NME9: variants seen among roughly 807,000 people sequenced by gnomAD.
NME9 encodes NME/NM23 family member 9.
In NME9, 48 loss-of-function variants were observed where a neutral mutation model predicts 44.4. The ratio of observed to expected loss-of-function variants is 1.08; its 90% confidence interval spans 0.86 to 1.37. The LOEUF (loss-of-function observed/expected upper bound fraction) is 1.37. NME9 is among the 40% of genes most tolerant of loss of function. NME9 has a pLI of 0.00. For synonymous variants in NME9, 139 were observed against 147.1 expected, an observed-to-expected ratio of 0.94 and a Z score of 0.40; for missense variants, 325 against 405.2, an observed-to-expected ratio of 0.80 and a Z score of 1.70.
intron 1 of NME9, 43 bp downstream of exon 1, chr3:138,329,260 G>C: frequency 6.6e-7 from 1 of 1,512,182 alleles, no homozygotes; most frequent in South Asian, 1.2e-5. Flanking sequence ...CCTCTTCCCC[G>C]AGCCCAACCC....
chr3:138,318,138 A>C lies in NME9; in HGVS notation c.267+10T>G. 1 of 1,546,026 alleles carries C rather than the reference A, an allele frequency of 6.5e-7. No individual in the cohort carries two copies. The highest frequency in any genetic ancestry group is 8.9e-7 in the Non-Finnish European group (1 of 1,117,778). On this transcript the variant is annotated intron_variant, in intron 4 of 10. Transcript: ENST00000333911. ...TCGTCAAATAGTTCTGATTCTGAAA[A>C]TGTACTTACTGCATAAAACAGAAAG...
chr3:138,290,342 A>G (rs3886726), intron 8 of NME9, among the ~76,000 whole-genome samples: 7,522 of 152,230 alleles, frequency 0.049, 615 homozygotes, highest in African/African-American at 0.17. Flanking sequence ...AGGCAGGATG[A>G]TCAGGAGGCA....
chr3:138,288,432 T>G (rs2050627133), intron 8 of NME9, among the ~76,000 whole-genome samples: 1 of 151,944 alleles, frequency 6.6e-6, no homozygotes. Flanking sequence ...AATTGCAAAC[T>G]GTACCCATAG....
At chr3:138,319,650 C>A in intron 2 of NME9, 69 bp from the exon 3 acceptor site, 2 of 790,914 alleles carry the variant, frequency 2.5e-6, no homozygotes, top group Non-Finnish European at 4.5e-6. Flanking sequence ...ATAATTTATA[C>A]CTGTACATTC....
At chr3:138,307,853 G>A (rs969606590) in intron 6 of NME9, among the ~76,000 whole-genome samples, 1 of 152,190 alleles carries the variant, frequency 6.6e-6, no homozygotes, top group African/African-American at 2.4e-5. Context: ...AAGACATTGT[G>A]AACATCATCC....
intron 8 of NME9, chr3:138,267,353 C>T (rs1030730663): frequency 5.0e-5 from 30 of 603,982 alleles, no homozygotes; most frequent in African/African-American, 1.5e-4. Flanking sequence ...AAAACTACTT[C>T]GGAATTGTTT....
intron 10 of NME9, 143 bp from the exon 11 acceptor site, chr3:138,301,847 C>A: frequency 1.6e-6 from 1 of 623,674 alleles, no homozygotes; most frequent in South Asian, 1.9e-5. Context: ...TGTTAGGGAC[C>A]AGGAATTAAA....
intron 8 of NME9, chr3:138,272,990 A>G (rs1306239155): frequency 1.9e-6 from 3 of 1,605,236 alleles, no homozygotes; most frequent in Non-Finnish European, 2.6e-6. Context: ...AGGCTGAACA[A>G]AAAATAAAAG....
At chr3:138,326,258 T>C (rs370746145) in intron 1 of NME9, among the ~76,000 whole-genome samples, 1 of 152,234 alleles carries the variant, frequency 6.6e-6, no homozygotes, top group Non-Finnish European at 1.5e-5. Flanking sequence ...CCCTAGCAGA[T>C]GAGACACAAT....
intron 2 of NME9, among the ~76,000 whole-genome samples, chr3:138,323,976 G>A (rs1214651147): frequency 6.6e-6 from 1 of 152,176 alleles, no homozygotes; most frequent in Non-Finnish European, 1.5e-5. Flanking sequence ...CTTCTGATGA[G>A]CAGAGTATGG....
intron 6 of NME9, among the ~76,000 whole-genome samples, chr3:138,312,631 A>C (rs1406760306): frequency 6.6e-6 from 1 of 152,244 alleles, no homozygotes; most frequent in Non-Finnish European, 1.5e-5. Context: ...CATAATTCTA[A>C]GACCTGATAC....
At chr3:138,267,250 T>C in intron 8 of NME9, 1 of 1,516,612 alleles carries the variant, frequency 6.6e-7, no homozygotes, top group Non-Finnish European at 9.0e-7. Context: ...AGGTTAGTAT[T>C]GATTTTCTTT....
At position 138,315,475 on chromosome 3, in the gene NME9, C is replaced by A. The variant is rs114513863; in HGVS notation, c.384+52G>T. The A allele has an allele frequency of 1.8e-3, 2,281 of 1,245,436 alleles. 24 individuals carry two copies. In the African/African-American group the frequency reaches 0.027, roughly 15 times the overall value. 77.1% of individuals were successfully genotyped at this position (1,245,436 alleles called of 1,614,324 possible). On this transcript the variant is annotated intron_variant, in intron 5 of 10. Transcript: ENST00000333911. ...AAGGAGATGGGGACTGCTGATCTCG[C>A]CCTACTAGCGCACTTGTGAGTTAGC... is the stretch of plus-strand genomic sequence containing the variant.
At chr3:138,321,388 C>G (rs1282596607) in intron 2 of NME9, among the ~76,000 whole-genome samples, 1 of 152,214 alleles carries the variant, frequency 6.6e-6, no homozygotes, top group Non-Finnish European at 1.5e-5. Context: ...AAGTCAAGGG[C>G]AAAAGGAATA....
intron 6 of NME9, among the ~76,000 whole-genome samples, chr3:138,312,946 G>A (rs2052800487): frequency 6.6e-6 from 1 of 152,182 alleles, no homozygotes; most frequent in Non-Finnish European, 1.5e-5. Flanking sequence ...ATGGGCAAAA[G>A]AGCTGAGTAG....
chr3:138,284,322 C>A, intron 8 of NME9: 1 of 755,480 alleles, frequency 1.3e-6, no homozygotes, highest in South Asian at 1.6e-5. Context: ...GAGAGTGGAA[C>A]CTGTGAGAAT....
chr3:138,292,471 T>C (rs958594627), intron 8 of NME9, among the ~76,000 whole-genome samples: 2 of 152,200 alleles, frequency 1.3e-5, no homozygotes, highest in African/African-American at 4.8e-5. Context: ...GGATTAGTAT[T>C]GGAAGTATTG....
intron 8 of NME9, among the ~76,000 whole-genome samples, chr3:138,271,526 C>T (rs985987177): frequency 6.6e-6 from 1 of 152,320 alleles, no homozygotes; most frequent in Admixed American, 6.5e-5. Context: ...GGAAACTGAA[C>T]TCATTTCACT....
chr3:138,284,281 A>T, intron 8 of NME9: 1 of 635,492 alleles, frequency 1.6e-6, no homozygotes, highest in East Asian at 2.5e-5. Context: ...GTTACTAGCA[A>T]TGATGTCAGC....
Sources: gnomAD v4.1 joint callset for allele counts (sites outside exome capture counted in the v4.1 genomes callset) on GRCh38, gnomAD v4.1.1 for gene constraint, MANE v1.5 for transcripts, NCBI Gene and HGNC (gene_info 2026-07-23, HGNC 2026-07-21) for gene names.